Variants in AZI2 observed in about 807,000 individuals in gnomAD.
AZI2 encodes the protein 5-azacytidine induced 2.
AZI2 carries 22 observed loss-of-function variants against 45.8 expected under a neutral mutation model. The ratio of observed to expected loss-of-function variants is 0.48; its 90% confidence interval spans 0.34 to 0.69. The LOEUF is 0.69. Among genes scored for constraint, AZI2 ranks in the 30% least tolerant of loss-of-function variants. AZI2 has a pLI of 0.01. For synonymous variants in AZI2, 137 were observed against 156.7 expected (o/e 0.87, Z 0.94); for missense variants, 417 against 441.5 (o/e 0.94, Z 0.50).
intron 6 of AZI2, among the ~76,000 whole-genome samples, chr3:28,327,551 A>G (rs1703429698): frequency 6.6e-6 from 1 of 151,102 alleles, no homozygotes; most frequent in African/African-American, 2.4e-5. Flanking sequence ...ATTTCCTGGT[A>G]AGGAAAAAGA....
intron 1 of AZI2, among the ~76,000 whole-genome samples, chr3:28,344,044 T>A (rs190413966): frequency 6.6e-6 from 1 of 152,158 alleles, no homozygotes; most frequent in East Asian, 1.9e-4. Context: ...ATTCTATATA[T>A]TTATTCTATA....
At chr3:28,331,561 T>C in intron 6 of AZI2, 1 of 935,012 alleles carries the variant, frequency 1.1e-6, no homozygotes, top group Non-Finnish European at 1.3e-6. Context: ...CTGTATCTCA[T>C]TTCCTCAAAT....
chr3:28,336,612 A>C (rs923902991), intron 5 of AZI2, 125 bp downstream of exon 5: 4 of 1,081,560 alleles, frequency 3.7e-6, no homozygotes, highest in East Asian at 2.7e-5. Flanking sequence ...TTTTTTAAGG[A>C]ATAGAACATT....
intron 5 of AZI2, among the ~76,000 whole-genome samples, chr3:28,333,016 T>C (rs1703648632): frequency 1.3e-5 from 2 of 151,774 alleles, no homozygotes; most frequent in Admixed American, 6.6e-5. Context: ...AGAAGATATT[T>C]TTAAATGACT....
Position 28,325,846 on chromosome 3 carries a change from T to G in AZI2, c.766+986A>C, listed in dbSNP as rs549511689. ...AGTGAACCAAAAATTAAGCTGGACTTGCTAAAACACCATACTATTTTCCCT... is the reference window on the plus strand; with the variant it reads ...AGTGAACCAAAAATTAAGCTGGACTGGCTAAAACACCATACTATTTTCCCT... On this transcript the variant is annotated intron_variant, in intron 7 of 7. Coordinates refer to ENST00000479665, the MANE Select transcript of AZI2 (RefSeq NM_022461.5). Among the ~76,000 whole-genome samples, 5 of 151,084 alleles carry G rather than the reference T, an allele frequency of 3.3e-5. No individual in the cohort carries two copies. In the East Asian group the frequency reaches 9.7e-4, roughly 29 times the overall value.
intron 3 of AZI2, among the ~76,000 whole-genome samples, chr3:28,338,283 A>C (rs550675318): frequency 1.3e-4 from 20 of 152,056 alleles, no homozygotes; most frequent in African/African-American, 4.6e-4. Flanking sequence ...CGGTGGTGTT[A>C]GATGTATTTA....
At position 28,345,690 on chromosome 3, in the gene AZI2, C is replaced by T. The variant is rs79767334; in HGVS notation, c.-6+2911G>A. 8.7e-4 allele frequency among the ~76,000 whole-genome samples: 132 copies of T among 152,118 alleles called. No homozygotes were observed. The East Asian group carries it at 0.024, about 27-fold the overall frequency. On this transcript the variant is annotated intron_variant, in intron 1 of 7. Transcript: ENST00000479665. ...AAACACAGGAAAAAAAAGATTCAAA[C>T]ATTATTTATTAGAATTATTTTAGAA... is the stretch of plus-strand genomic sequence containing the variant.
chr3:28,335,491 G>C (rs1427085962), intron 5 of AZI2, among the ~76,000 whole-genome samples: 1 of 151,758 alleles, frequency 6.6e-6, no homozygotes, highest in Non-Finnish European at 1.5e-5. Flanking sequence ...TTGTAAGTAG[G>C]AAAAAAACCA....
chr3:28,336,226 A>G (rs1703782242), intron 5 of AZI2, among the ~76,000 whole-genome samples: 1 of 152,016 alleles, frequency 6.6e-6, no homozygotes, highest in African/African-American at 2.4e-5. Context: ...GAATTCTCAG[A>G]TATTTGCTGG....
At chr3:28,337,867 G>T in intron 4 of AZI2, 70 bp downstream of exon 4, 1 of 993,426 alleles carries the variant, frequency 1.0e-6, no homozygotes, top group Non-Finnish European at 1.4e-6. Flanking sequence ...ACAGAAAACT[G>T]TTGATATTAC....
intron 6 of AZI2, chr3:28,331,826 A>C: frequency 6.5e-7 from 1 of 1,541,678 alleles, no homozygotes; most frequent in Non-Finnish European, 8.8e-7. Context: ...ATTTGAGGAA[A>C]AAGGGTTGAA....
At chr3:28,326,982 CTCA>C (rs761626307) in intron 6 of AZI2, 32 bp from the exon 7 acceptor site, 11 of 1,415,438 alleles carry the variant, frequency 7.8e-6, no homozygotes, top group Middle Eastern at 1.8e-4. Flanking sequence ...AAAGTTAATA[CTCA>C]TCATTCTTTT....
At chr3:28,342,456 A>G (rs948711938) in intron 1 of AZI2, among the ~76,000 whole-genome samples, 8 of 152,028 alleles carry the variant, frequency 5.3e-5, no homozygotes, top group Non-Finnish European at 8.8e-5. Flanking sequence ...TCTCAGAACC[A>G]TAATTACTCA....
chr3:28,326,859 G>C lies in AZI2; in HGVS notation c.739C>G (p.Leu247Val). The change falls in exon 7 of 8, where the codon CTG (leucine) becomes GTG (valine). Residue 247 changes from leucine (L) to valine (V), a missense_variant. Transcript: ENST00000479665. ...TTCTTGATTGCAGTTGAGGTTTTCAGTTTTCTTAGTAGTTCAGCTTGTACT... is the reference window on the plus strand; with the variant it reads ...TTCTTGATTGCAGTTGAGGTTTTCACTTTTCTTAGTAGTTCAGCTTGTACT... ...TQVQAELLRK[L>V]KTSTAIKKAC... 1 of 1,608,444 alleles carries C rather than the reference G, an allele frequency of 6.2e-7. No individual in the cohort carries two copies. Among genetic ancestry groups the C allele is most frequent in the Non-Finnish European group, 8.5e-7 (1 of 1,175,896 alleles).
rs1393433541 is a variant in AZI2 at position 28,324,245 on chromosome 3, T to C, written c.976A>G (p.Ile326Val). ...TGAAAGCATGTACCATCATTAGGAA[T>C]GGATCTCTCATTGTCTGTCCATGAT... ...LQSWTDNERS[I>V]PNDGTCFQEH... The change falls in exon 8 of 8, where the codon ATT (isoleucine) becomes GTT (valine). Residue 326 changes from isoleucine (I) to valine (V), a missense_variant. Physicochemically the swap from Ile to Val is conservative, Grantham distance 29. Transcript: ENST00000479665. 6.2e-7 allele frequency: 1 copy of C among 1,610,360 alleles called. No individual in the cohort carries two copies. The highest frequency in any genetic ancestry group is 2.2e-5 in the East Asian group (1 of 44,794).
Position 28,340,633 on chromosome 3 carries a change from G to T in AZI2, c.-5-11C>A. 6.5e-7 allele frequency: 1 copy of T among 1,544,992 alleles called. No homozygotes were observed. Among genetic ancestry groups the T allele is most frequent in the Non-Finnish European group, 8.7e-7 (1 of 1,144,296 alleles). On this transcript the variant is annotated splice_polypyrimidine_tract_variant and intron_variant, in intron 1 of 7. Transcript: ENST00000479665. Reference sequence around the variant, plus strand: ...GTGCATCCATGACAACTGTTTAAAAGAAAAAAAATATGAGTGACAAATGTC... The same window carrying T: ...GTGCATCCATGACAACTGTTTAAAATAAAAAAAATATGAGTGACAAATGTC...
intron 1 of AZI2, chr3:28,348,343 T>G: frequency 1.4e-5 from 2 of 143,684 alleles, no homozygotes; most frequent in African/African-American, 2.6e-5. Flanking sequence ...AGAAAAGGAG[T>G]AATTAGAGAA....
At chr3:28,325,445 G>C (rs76430272) in intron 7 of AZI2, among the ~76,000 whole-genome samples, 4,806 of 151,026 alleles carry the variant, frequency 0.032, 106 homozygotes, top group Non-Finnish European at 0.049. Context: ...TTTGGCTTTG[G>C]AAAAAAGGTG....
intron 7 of AZI2, chr3:28,324,800 T>C: frequency 5.7e-6 from 1 of 175,280 alleles, no homozygotes; most frequent in East Asian, 1.5e-4. Context: ...ACAGTTAAAA[T>C]ACAAATAAAG....
Sources: gnomAD v4.1 joint callset for allele counts (sites outside exome capture counted in the v4.1 genomes callset) on GRCh38, gnomAD v4.1.1 for gene constraint, MANE v1.5 for transcripts, NCBI Gene and HGNC (gene_info 2026-07-23, HGNC 2026-07-21) for gene names.